SUFU: variants seen among roughly 807,000 people sequenced by gnomAD.
SUFU encodes the protein suppressor of fused homolog.
A neutral mutation model predicts 58.9 loss-of-function variants in SUFU; 7 were observed. The ratio of observed to expected loss-of-function variants is 0.12; its 90% CI spans 0.07 to 0.22. SUFU has a LOEUF of 0.22. Among genes scored for constraint, SUFU ranks in the 10% least tolerant of loss-of-function variants. The pLI is 1.00. For synonymous variants in SUFU, 232 were observed against 254.8 expected, an observed-to-expected ratio of 0.91 and a Z score of 0.85; for missense variants, 451 against 641.3, an observed-to-expected ratio of 0.70 and a Z score of 3.20.
intron 10 of SUFU, among the ~76,000 whole-genome samples, chr10:102,622,960 C>T (rs967966065): frequency 2.4e-4 from 34 of 142,824 alleles, no homozygotes; most frequent in Non-Finnish European, 9.0e-5. Context: ...CATTGCACTC[C>T]AGCCTGGAAA....
rs148358490 is a variant in SUFU at position 102,585,071 on chromosome 10, C to T, written c.455-7511C>T. 7.9e-4 allele frequency among the ~76,000 whole-genome samples: 121 copies of T among 152,308 alleles called. No individual in the cohort carries two copies. The East Asian group carries it at 0.021, about 27-fold the overall frequency. On this transcript the variant is annotated intron_variant, in intron 3 of 11. Transcript: ENST00000369902. Reference sequence around the variant, plus strand: ...GGGAACAAGGAATTTAAAGGCTTGGCCTTGCTTCCCCTACTTTGCCTGTGC... The same window carrying T: ...GGGAACAAGGAATTTAAAGGCTTGGTCTTGCTTCCCCTACTTTGCCTGTGC...
At chr10:102,557,585 A>C (rs961525494) in intron 3 of SUFU, among the ~76,000 whole-genome samples, 1 of 151,930 alleles carries the variant, frequency 6.6e-6, no homozygotes, top group Admixed American at 6.6e-5. Context: ...ACAACTGGAC[A>C]CTCCACCCTG....
rs76459123 is a variant in SUFU at position 102,625,838 on chromosome 10, C to T, written c.1297-1337C>T. ...ACCTCCGTCCTGTGAGCTCCCGAGCCGTCCTGTGTGCTCACCTTCCTGTGT... is the reference window on the plus strand; with the variant it reads ...ACCTCCGTCCTGTGAGCTCCCGAGCTGTCCTGTGTGCTCACCTTCCTGTGT... On this transcript the variant is annotated intron_variant, in intron 10 of 11. Transcript: ENST00000369902. The surrounding 1 kb of genome is among the most constrained non-coding windows in gnomAD (Gnocchi z 4.7). Among the ~76,000 whole-genome samples the T allele has an allele frequency of 1.3e-5, 2 of 152,318 alleles. No homozygotes were observed. The highest frequency in any genetic ancestry group is 6.5e-5 in the Admixed American group (1 of 15,308).
chr10:102,561,693 G>A (rs1173476794), intron 3 of SUFU, among the ~76,000 whole-genome samples: 3 of 124,950 alleles, frequency 2.4e-5, no homozygotes, highest in East Asian at 4.8e-4. Context: ...TTTTGAGATG[G>A]GATCTCACTC....
intron 2 of SUFU, among the ~76,000 whole-genome samples, chr10:102,524,328 TC>T (rs66480753): frequency 0.33 from 43,120 of 129,106 alleles, 8,880 homozygotes; most frequent in African/African-American, 0.38. Context: ...TCTTTTCTTT[TC>T]TTTTTTTTTT....
At chr10:102,519,828 G>C (rs2062526862) in intron 2 of SUFU, among the ~76,000 whole-genome samples, 1 of 152,064 alleles carries the variant, frequency 6.6e-6, no homozygotes, top group South Asian at 2.1e-4. Flanking sequence ...CTGGAATGCG[G>C]TGGCATGATC....
intron 8 of SUFU, among the ~76,000 whole-genome samples, chr10:102,611,633 A>C (rs149153605): frequency 1.3e-4 from 20 of 152,384 alleles, no homozygotes; most frequent in African/African-American, 4.6e-4. Flanking sequence ...AGAGGCAGCC[A>C]GCTAACGTCA....
intron 9 of SUFU, among the ~76,000 whole-genome samples, chr10:102,616,686 A>C (rs2063690112): frequency 6.6e-6 from 1 of 152,178 alleles, no homozygotes; most frequent in Non-Finnish European, 1.5e-5. Context: ...CTAGGGATTA[A>C]CAGTAACTTC....
At chr10:102,557,144 G>A (rs1001162869) in intron 3 of SUFU, among the ~76,000 whole-genome samples, 4 of 151,624 alleles carry the variant, frequency 2.6e-5, no homozygotes, top group African/African-American at 9.7e-5. Context: ...TTGGGAGGCT[G>A]AGTTTGAGCC....
rs1170169734 is a variant in SUFU, at chr10:102,615,197, G to A, written c.1023-71G>A. 3 of 1,606,102 alleles carry A rather than the reference G, an allele frequency of 1.9e-6. No individual in the cohort carries two copies. In the Admixed American group the frequency reaches 5.0e-5, roughly 27 times the overall value. On this transcript the variant is annotated intron_variant, in intron 8 of 11. Transcript: ENST00000369902. ...GTCTTTATTACTCAGGAGCCCAGCT[G>A]GAGACTCCCATCTTGCTCCTCCCTG... is the stretch of plus-strand genomic sequence containing the variant.
Position 102,630,256 on chromosome 10 carries a change from A to C in SUFU, c.*101A>C. 1 of 1,073,898 alleles carries C rather than the reference A, an allele frequency of 9.3e-7. No individual in the cohort carries two copies. Among genetic ancestry groups the C allele is most frequent in the Non-Finnish European group, 1.4e-6 (1 of 707,356 alleles). 66.5% of individuals were successfully genotyped at this position (1,073,898 alleles called of 1,614,324 possible). On this transcript the variant is annotated 3_prime_UTR_variant, in exon 12 of 12. Transcript: ENST00000369902. ...ACGAGATCTCCACAAATAAAAGGAC[A>C]AGTGTGAGGAAGACTGCGCAGTGCC...
chr10:102,594,165 T>A, intron 6 of SUFU, 100 bp downstream of exon 6: 1 of 1,180,242 alleles, frequency 8.5e-7, no homozygotes, highest in Non-Finnish European at 1.3e-6. Context: ...CCTTTATGTG[T>A]GAGTGAGTAG....
chr10:102,519,597 C>A (rs2062522660), intron 2 of SUFU, among the ~76,000 whole-genome samples: 1 of 151,474 alleles, frequency 6.6e-6, no homozygotes, highest in Admixed American at 6.6e-5. Flanking sequence ...GGAAAGTCTG[C>A]AACTTTTAAA....
At position 102,509,257 on chromosome 10, in the gene SUFU, A is replaced by G. The variant is rs759030707; in HGVS notation, c.271A>G (p.Ile91Val). Residue 91 changes from isoleucine to valine, a missense_variant, in exon 2 of 12, where the codon ATC becomes GTC. Transcript: ENST00000369902. ...TAACATCCCCGAGCACTGGCACTACATCAGCTTCGGCCTGAGTGATCTCTA... is the reference window on the plus strand; with the variant it reads ...TAACATCCCCGAGCACTGGCACTACGTCAGCTTCGGCCTGAGTGATCTCTA... ...SANIPEHWHY[I>V]SFGLSDLYGD... 1.2e-6 allele frequency: 2 copies of G among 1,614,152 alleles called. No individual in the cohort carries two copies. The highest frequency in any genetic ancestry group is 1.7e-6 in the Non-Finnish European group (2 of 1,180,038).
intron 2 of SUFU, among the ~76,000 whole-genome samples, chr10:102,524,478 A>T (rs542348274): frequency 7.3e-5 from 11 of 150,902 alleles, no homozygotes; most frequent in Non-Finnish European, 1.6e-4. Flanking sequence ...GGCACGTGCC[A>T]CCACACCTGG....
intron 3 of SUFU, among the ~76,000 whole-genome samples, chr10:102,550,369 T>C (rs1354677215): frequency 6.6e-6 from 1 of 152,216 alleles, no homozygotes; most frequent in Non-Finnish European, 1.5e-5. Context: ...TTGTCGTGTT[T>C]CATGGAGGGT....
intron 1 of SUFU, among the ~76,000 whole-genome samples, chr10:102,508,233 C>T (rs968460653): frequency 8.5e-5 from 13 of 152,128 alleles, no homozygotes; most frequent in Non-Finnish European, 1.5e-4. Flanking sequence ...TTCGGCCTCC[C>T]AAAGTGCAGA....
intron 3 of SUFU, among the ~76,000 whole-genome samples, chr10:102,579,142 A>G (rs2063246648): frequency 6.6e-6 from 1 of 152,200 alleles, no homozygotes; most frequent in East Asian, 1.9e-4. Context: ...GGCATAGCAT[A>G]TATGGGTGAG....
At position 102,619,048 on chromosome 10, in the gene SUFU, T is replaced by A; in HGVS notation, c.1296+1620T>A. 6.2e-7 allele frequency: 1 copy of A among 1,612,426 alleles called. No individual in the cohort carries two copies. The highest frequency in any genetic ancestry group is 8.5e-7 in the Non-Finnish European group (1 of 1,179,782). On this transcript the variant is annotated intron_variant, in intron 10 of 11. Transcript: ENST00000369902. The surrounding 1 kb of genome is among the most constrained non-coding windows in gnomAD (Gnocchi z 4.2). ...CCCCAAACTGCAGAATCTACCCAGT[T>A]ATGTTTGACATCCTCAGCTCTGAAC... is the stretch of plus-strand genomic sequence containing the variant.
Sources: gnomAD v4.1 joint callset for allele counts (sites outside exome capture counted in the v4.1 genomes callset) on GRCh38, gnomAD v4.1.1 for gene constraint, Gnocchi (gnomAD v3.1) non-coding constraint, MANE v1.5 for transcripts, NCBI Gene and HGNC (gene_info 2026-07-23, HGNC 2026-07-21) for gene names.